Variants in FGF14 observed in about 807,000 individuals in gnomAD.
The protein encoded by FGF14 is fibroblast growth factor 14.
FGF14 carries 5 observed loss-of-function variants against 25.5 expected under a neutral mutation model. The observed-to-expected ratio is 0.20, with a 90% confidence interval of 0.10 to 0.41. The LOEUF (loss-of-function observed/expected upper bound fraction) is 0.41. Among genes scored for constraint, FGF14 ranks in the 10% least tolerant of loss-of-function variants. The probability of loss-of-function intolerance (pLI) is 1.00; values close to 1 mark genes in which losing one functional copy is unlikely to be tolerated. For missense variants in FGF14, 222 were observed against 320.1 expected, an observed-to-expected ratio of 0.69 and a Z score of 2.34; for synonymous variants, 138 against 118.3, an observed-to-expected ratio of 1.17 and a Z score of -1.08.
chr13:101,892,272 T>C, intron 1 of FGF14, among the ~76,000 whole-genome samples: 1 of 152,206 alleles, frequency 6.6e-6, no homozygotes, highest in Non-Finnish European at 1.5e-5. Context: ...ATTTTTGTTA[T>C]GAAGATTTCC....
At chr13:101,975,804 A>T (rs1277785369) in intron 1 of FGF14, among the ~76,000 whole-genome samples, 1 of 152,216 alleles carries the variant, frequency 6.6e-6, no homozygotes, top group African/African-American at 2.4e-5. Context: ...AGGTTTCATA[A>T]AGCCCTTGAC....
intron 1 of FGF14, among the ~76,000 whole-genome samples, chr13:101,965,044 T>A (rs1430321641): frequency 6.6e-6 from 1 of 151,794 alleles, no homozygotes; most frequent in Non-Finnish European, 1.5e-5. Flanking sequence ...GAGTTCAAAA[T>A]CCGCCTGGCC....
chr13:102,255,378 G>C (rs1022123098), intron 1 of FGF14, among the ~76,000 whole-genome samples: 6 of 152,034 alleles, frequency 3.9e-5, no homozygotes, highest in African/African-American at 1.4e-4. Context: ...TTTACCCAAA[G>C]AAATAACATC....
intron 1 of FGF14, among the ~76,000 whole-genome samples, chr13:102,257,368 T>TTTTTTTTTTTTTTTC (rs1324599457): frequency 1.4e-5 from 2 of 144,640 alleles, no homozygotes; most frequent in Non-Finnish European, 3.0e-5. Context: ...TTTTTTTTTT[T>TTTTTTTTTTTTTTTC]CGAGACGGAG....
intron 3 of FGF14, among the ~76,000 whole-genome samples, chr13:101,818,769 C>G (rs2041967395): frequency 6.6e-6 from 1 of 152,128 alleles, no homozygotes; most frequent in Non-Finnish European, 1.5e-5. Flanking sequence ...AAACAAAGGT[C>G]TATTTCACCA....
intron 1 of FGF14, among the ~76,000 whole-genome samples, chr13:102,323,957 A>ATATG (rs1555401234): frequency 5.9e-5 from 8 of 136,422 alleles, no homozygotes; most frequent in African/African-American, 2.1e-4. Context: ...AACGTGCAGT[A>ATATG]TGTGTGTGTG....
At chr13:102,032,912 A>G (rs536082651) in intron 1 of FGF14, among the ~76,000 whole-genome samples, 2 of 152,236 alleles carry the variant, frequency 1.3e-5, no homozygotes, top group Admixed American at 1.3e-4. Context: ...CATGAAGCCT[A>G]CCTGAGAAGG....
intron 1 of FGF14, among the ~76,000 whole-genome samples, chr13:102,098,531 ATATT>A (rs1289600807): frequency 6.6e-6 from 1 of 152,238 alleles, no homozygotes; most frequent in African/African-American, 2.4e-5. Context: ...TTTTGTTAAA[ATATT>A]TATACAAATA....
intron 3 of FGF14, among the ~76,000 whole-genome samples, chr13:101,851,749 A>T (rs1364748064): frequency 6.6e-6 from 1 of 152,084 alleles, no homozygotes; most frequent in Non-Finnish European, 1.5e-5. Flanking sequence ...GAGTACTTTA[A>T]TCTTTTAACT....
chr13:102,253,240 G>A (rs953753739), intron 1 of FGF14, among the ~76,000 whole-genome samples: 2 of 152,064 alleles, frequency 1.3e-5, no homozygotes, highest in Non-Finnish European at 2.9e-5. Flanking sequence ...TTGAGGAATC[G>A]CCACACTGAC....
At chr13:101,935,769 C>T (rs2035060018) in intron 1 of FGF14, among the ~76,000 whole-genome samples, 1 of 152,110 alleles carries the variant, frequency 6.6e-6, no homozygotes, top group Non-Finnish European at 1.5e-5. Flanking sequence ...GAAACATATG[C>T]CCCCCAAAAC....
At chr13:102,080,370 G>T (rs992156898) in intron 1 of FGF14, among the ~76,000 whole-genome samples, 2 of 152,142 alleles carry the variant, frequency 1.3e-5, no homozygotes. Context: ...GCGACGTCAA[G>T]GATGATTCCC....
intron 3 of FGF14, among the ~76,000 whole-genome samples, chr13:101,733,684 C>T (rs1284683213): frequency 1.3e-5 from 2 of 150,498 alleles, no homozygotes; most frequent in African/African-American, 2.4e-5. Flanking sequence ...TTTCTACCAA[C>T]AAAGGAGTCT....
chr13:101,770,806 C>T (rs962592189), intron 3 of FGF14, among the ~76,000 whole-genome samples: 3 of 151,958 alleles, frequency 2.0e-5, no homozygotes, highest in Middle Eastern at 3.2e-3. Context: ...ACAACCTAAT[C>T]AATAGTACTC....
rs199536239 is a variant in FGF14, at chr13:101,722,883, G to C, written c.692C>G (p.Ala231Gly). 1 of 1,613,116 alleles carries C rather than the reference G, an allele frequency of 6.2e-7. No homozygotes were observed. Among genetic ancestry groups the C allele is most frequent in the East Asian group, 2.2e-5 (1 of 44,854 alleles). ...PGVTPSKSTS[A>G]SAIMNGGKPV... ...TTTGCCTCCATTCATTATTGCAGACGCACTTGTGCTTTTACTTGGCGTCAC... is the reference window on the plus strand; with the variant it reads ...TTTGCCTCCATTCATTATTGCAGACCCACTTGTGCTTTTACTTGGCGTCAC... Residue 231 changes from alanine (A) to glycine (G), a missense_variant, in exon 5 of 5, where the codon GCG becomes GGG. Physicochemically the swap from Ala to Gly is moderately conservative, Grantham distance 60 (BLOSUM62 0). Coordinates refer to ENST00000376143, the MANE Select transcript of FGF14 (RefSeq NM_004115.4).
intron 1 of FGF14, among the ~76,000 whole-genome samples, chr13:102,026,234 T>C (rs1490475626): frequency 1.3e-5 from 2 of 152,036 alleles, no homozygotes; most frequent in African/African-American, 2.4e-5. Context: ...TAATATGGTA[T>C]ATTAAATTGA....
chr13:102,299,941 T>C (rs1203015576), intron 1 of FGF14: 2 of 152,182 alleles, frequency 1.3e-5, no homozygotes, highest in African/African-American at 2.4e-5. Flanking sequence ...CATTAAAAGT[T>C]CGCTGATCTT....
intron 1 of FGF14, among the ~76,000 whole-genome samples, chr13:102,036,182 A>G (rs76726420): frequency 0.019 from 2,867 of 152,242 alleles, 82 homozygotes; most frequent in African/African-American, 0.063. Flanking sequence ...CCACTGGGCT[A>G]AAGCACAGTG....
chr13:102,300,843 A>G (rs936431789), intron 1 of FGF14, among the ~76,000 whole-genome samples: 6 of 151,970 alleles, frequency 3.9e-5, no homozygotes, highest in Admixed American at 1.3e-4. Context: ...TCTTTTGCCC[A>G]TCACAGAACA....
Sources: allele counts gnomAD v4.1 joint callset (sites outside exome capture counted in the v4.1 genomes callset), GRCh38; gene constraint gnomAD v4.1.1; transcripts MANE v1.5; gene names NCBI Gene and HGNC (gene_info 2026-07-23, HGNC 2026-07-21).